Variants in MYH14 observed in about 807,000 individuals in gnomAD.
MYH14 encodes myosin-14.
Under a neutral mutation model 255.5 loss-of-function variants are expected in MYH14, and 123 were observed. That is an observed-to-expected ratio of 0.48 (90% CI 0.42 to 0.56). The LOEUF is 0.56. Ranked by LOEUF, MYH14 falls within the 20% of genes least tolerant of loss-of-function variation. The pLI is 0.00. For synonymous variants in MYH14, 1,095 were observed against 1,161.2 expected (o/e 0.94, Z 1.16); for missense variants, 2,423 against 2,802.3 (o/e 0.86, Z 3.06).
chr19:50,272,037 A>G, intron 26 of MYH14, 65 bp downstream of exon 26: 2 of 1,569,100 alleles, frequency 1.3e-6, no homozygotes, highest in South Asian at 2.3e-5. Flanking sequence ...GGCAAGCCCC[A>G]TGTGCTACAG....
At chr19:50,284,797 A>AT (rs2035838610) in intron 33 of MYH14, 1 of 151,912 alleles carries the variant, frequency 6.6e-6, no homozygotes, top group East Asian at 1.9e-4. Flanking sequence ...CTCCATGTTA[A>AT]TTTTTGTGAA....
At chr19:50,258,150 G>A (rs1434732901) in intron 18 of MYH14, among the ~76,000 whole-genome samples, 6 of 151,868 alleles carry the variant, frequency 4.0e-5, no homozygotes, top group African/African-American at 1.2e-4. Context: ...GGCTGCTCTC[G>A]AACTCCTGAG....
intron 40 of MYH14, among the ~76,000 whole-genome samples, chr19:50,304,867 G>C (rs183204945): frequency 4.7e-4 from 72 of 152,316 alleles, no homozygotes; most frequent in African/African-American, 1.7e-3. Flanking sequence ...GAGCTGACAA[G>C]AATGGGATTT....
chr19:50,241,755 A>G (rs1205674930), intron 10 of MYH14, among the ~76,000 whole-genome samples: 1 of 151,082 alleles, frequency 6.6e-6, no homozygotes, highest in Non-Finnish European at 1.5e-5. Context: ...TGATCCTCCT[A>G]CCTCAGCCTC....
chr19:50,230,495 C>T lies in MYH14; in HGVS notation c.875-30C>T. ...CTGGCAGCGTCGGGGCCGTCCCTTC[C>T]CCTCTAGCACCTTGACTCGCTGTGT... On this transcript the variant is annotated intron_variant, in intron 8 of 42. Coordinates refer to ENST00000642316, the MANE Select transcript of MYH14 (RefSeq NM_001145809.2). The surrounding 1 kb of genome is among the most constrained non-coding windows in gnomAD (Gnocchi z 4.7). 3.9e-6 allele frequency: 6 copies of T among 1,545,986 alleles called. No homozygotes were observed. The highest frequency in any genetic ancestry group is 4.4e-6 in the Non-Finnish European group (5 of 1,142,622).
intron 40 of MYH14, among the ~76,000 whole-genome samples, chr19:50,304,462 C>T (rs558404942): frequency 5.5e-4 from 84 of 152,168 alleles, no homozygotes; most frequent in African/African-American, 1.9e-3. Context: ...TAGTAATGGA[C>T]ACCTGTAATC....
intron 10 of MYH14, among the ~76,000 whole-genome samples, chr19:50,243,369 G>T (rs942174799): frequency 2.0e-5 from 3 of 152,032 alleles, no homozygotes; most frequent in Non-Finnish European, 2.9e-5. Context: ...TTGGGAGGTG[G>T]AGGTTGCAGT....
intron 8 of MYH14, among the ~76,000 whole-genome samples, chr19:50,227,394 A>C (rs896455695): frequency 6.6e-6 from 1 of 152,102 alleles, no homozygotes; most frequent in Non-Finnish European, 1.5e-5. Flanking sequence ...GTCCCGGGGA[A>C]GCACAGAGAG....
chr19:50,271,637 C>A, intron 25 of MYH14, 91 bp downstream of exon 25: 1 of 1,524,218 alleles, frequency 6.6e-7, no homozygotes. Context: ...GGTTACCACA[C>A]TGCGGTTCTC....
intron 17 of MYH14, among the ~76,000 whole-genome samples, chr19:50,255,797 A>G (rs958335980): frequency 1.3e-5 from 2 of 151,748 alleles, no homozygotes; most frequent in African/African-American, 4.8e-5. Flanking sequence ...GACAGGGAGT[A>G]CGGGGTAGGG....
intron 10 of MYH14, among the ~76,000 whole-genome samples, chr19:50,238,506 C>A (rs187035505): frequency 6.6e-6 from 1 of 151,948 alleles, no homozygotes. Flanking sequence ...GAGCAGAGTG[C>A]GGTGGTGTGA....
chr19:50,209,736 A>C (rs901132808), intron 1 of MYH14, among the ~76,000 whole-genome samples: 1 of 148,920 alleles, frequency 6.7e-6, no homozygotes, highest in African/African-American at 2.5e-5. Context: ...GTGAGCCGAG[A>C]TCGTGCCACT....
chr19:50,259,080 C>T, intron 18 of MYH14, 64 bp from the exon 19 acceptor site: 1 of 1,519,250 alleles, frequency 6.6e-7, no homozygotes, highest in Non-Finnish European at 8.8e-7. Flanking sequence ...AATTGCCAAG[C>T]TTGACCGTTT....
At chr19:50,268,549 T>C (rs1237589437) in intron 24 of MYH14, among the ~76,000 whole-genome samples, 182 bp downstream of exon 24, 3 of 152,254 alleles carry the variant, frequency 2.0e-5, no homozygotes, top group African/African-American at 7.2e-5. Flanking sequence ...ATGTGTGAGC[T>C]TCACCTATGG....
At position 50,214,217 on chromosome 19, in the gene MYH14, A is replaced by G. The variant is rs138753397; in HGVS notation, c.406-3398A>G. 2.7e-3 allele frequency among the ~76,000 whole-genome samples: 418 copies of G among 152,282 alleles called. 2 individuals are homozygous for G. Among genetic ancestry groups the G allele is most frequent in the African/African-American group, 9.3e-3 (387 of 41,572 alleles). ...AGGAAGCACTATTTCTGTCCCCGTT[A>G]GCTAAAGACACTGAGACCCTGAAAG... is the stretch of plus-strand genomic sequence containing the variant. On this transcript the variant is annotated intron_variant, in intron 2 of 42. Coordinates refer to ENST00000642316, the MANE Select transcript of MYH14 (RefSeq NM_001145809.2).
chr19:50,302,113 T>TAAAAAA (rs765650409), intron 40 of MYH14, among the ~76,000 whole-genome samples: 1 of 54,628 alleles, frequency 1.8e-5, no homozygotes, highest in Non-Finnish European at 3.4e-5. Flanking sequence ...ACCTCATCTC[T>TAAAAAA]AAAAAAAAAA....
At chr19:50,298,532 G>A (rs1436799644) in intron 39 of MYH14, among the ~76,000 whole-genome samples, 4 of 151,830 alleles carry the variant, frequency 2.6e-5, no homozygotes, top group African/African-American at 4.8e-5. Context: ...CTGGGAGGCC[G>A]AGGCTGGCAG....
In MYH14 at chr19:50,309,022, T is replaced by C. The variant is rs2036749530; in HGVS notation, c.5805T>C (p.Leu1935=). The C allele has an allele frequency of 6.2e-7, 1 of 1,612,432 alleles. No individual in the cohort carries two copies. The highest frequency in any genetic ancestry group is 1.3e-5 in the African/African-American group (1 of 74,818). ...CCATCAAGCTGGAGAAGGGAAACCT[T>C]CGAGTCAAGCAGCTGAAGCGGCAGC... ...QLRDQLEKGN[L]RVKQLKRQLE... Residue 1935 remains leucine, a synonymous_variant, in exon 42 of 43, where the codon CTT becomes CTC. Coordinates refer to ENST00000642316, the MANE Select transcript of MYH14 (RefSeq NM_001145809.2).
chr19:50,205,345 C>A (rs2031674820), intron 1 of MYH14: 1 of 154,336 alleles, frequency 6.5e-6, no homozygotes, highest in South Asian at 1.8e-4. Flanking sequence ...GCTCAACCCC[C>A]GCCTTCCCCC....
Sources: allele counts gnomAD v4.1 joint callset (sites outside exome capture counted in the v4.1 genomes callset), GRCh38; gene constraint gnomAD v4.1.1; non-coding constraint Gnocchi (gnomAD v3.1); transcripts MANE v1.5; gene names NCBI Gene and HGNC (gene_info 2026-07-23, HGNC 2026-07-21).